ARHGAP24: variants seen among roughly 807,000 people sequenced by gnomAD.
ARHGAP24 encodes Rho GTPase activating protein 24, also known as rho GTPase-activating protein 24.
Under a neutral mutation model 76.4 loss-of-function variants are expected in ARHGAP24, and 50 were observed. That is an observed-to-expected ratio of 0.65 (90% CI 0.52 to 0.83). ARHGAP24 has a LOEUF of 0.83. ARHGAP24 is among the 40% of genes least tolerant of loss of function. ARHGAP24 has a pLI of 0.00. For synonymous variants in ARHGAP24, 345 were observed against 323.3 expected, an observed-to-expected ratio of 1.07 and a Z score of -0.72; for missense variants, 930 against 914.2, an observed-to-expected ratio of 1.02 and a Z score of -0.22.
chr4:85,640,584 C>A (rs1429114719), intron 2 of ARHGAP24, among the ~76,000 whole-genome samples: 1 of 152,180 alleles, frequency 6.6e-6, no homozygotes, highest in African/African-American at 2.4e-5. Flanking sequence ...AAACAAACAT[C>A]TTATTGAAAC....
intron 1 of ARHGAP24, among the ~76,000 whole-genome samples, chr4:85,552,773 C>T (rs900176673): frequency 9.9e-5 from 15 of 152,220 alleles, no homozygotes; most frequent in Admixed American, 9.2e-4. Flanking sequence ...TTATGTCAGT[C>T]CCTTCTTTGT....
At chr4:85,539,855 G>A (rs568524784) in intron 1 of ARHGAP24, among the ~76,000 whole-genome samples, 71 of 152,182 alleles carry the variant, frequency 4.7e-4, no homozygotes, top group African/African-American at 1.6e-3. Flanking sequence ...AGGAGTTTGC[G>A]ACCAGCCTGC....
chr4:85,520,573 CCTAA>C (rs1335491327), intron 1 of ARHGAP24, among the ~76,000 whole-genome samples: 2 of 152,210 alleles, frequency 1.3e-5, no homozygotes, highest in East Asian at 1.9e-4. Flanking sequence ...AAGGAAATTT[CCTAA>C]CTATCTCTCT....
In ARHGAP24 at chr4:85,517,861, G is replaced by A. The variant is rs116702936; in HGVS notation, c.-21+42302G>A. On this transcript the variant is annotated intron_variant, in intron 1 of 9. Transcript: ENST00000395184. ...TCAATATATAATTTTATGTGAATACGTAATATTTCTTTAAAACGTAAGAAG... is the reference window on the plus strand; with the variant it reads ...TCAATATATAATTTTATGTGAATACATAATATTTCTTTAAAACGTAAGAAG... Among the ~76,000 whole-genome samples, 1,228 of 152,080 alleles carry A rather than the reference G, an allele frequency of 8.1e-3. 16 individuals are homozygous for A. Among genetic ancestry groups the A allele is most frequent in the African/African-American group, 0.028 (1,163 of 41,494 alleles).
intron 1 of ARHGAP24, among the ~76,000 whole-genome samples, chr4:85,515,356 C>A (rs1159947679): frequency 7.1e-6 from 1 of 140,688 alleles, no homozygotes; most frequent in Non-Finnish European, 1.5e-5. Context: ...CCTATATCCA[C>A]TCTATGCAGG....
intron 1 of ARHGAP24, among the ~76,000 whole-genome samples, chr4:85,552,814 C>T (rs1271011009): frequency 6.6e-6 from 1 of 152,182 alleles, no homozygotes; most frequent in African/African-American, 2.4e-5. Flanking sequence ...GGTTTAAAGT[C>T]TGTTTTACTA....
intron 2 of ARHGAP24, among the ~76,000 whole-genome samples, chr4:85,621,944 T>C (rs950613542): frequency 2.0e-5 from 3 of 152,068 alleles, no homozygotes; most frequent in African/African-American, 7.2e-5. Context: ...TTTTTGTATA[T>C]GGTGAGAAAT....
At chr4:85,974,687 A>G (rs1360343611) in intron 6 of ARHGAP24, among the ~76,000 whole-genome samples, 2 of 152,244 alleles carry the variant, frequency 1.3e-5, no homozygotes, top group Non-Finnish European at 2.9e-5. Flanking sequence ...AATAGTACTT[A>G]TGGAGATATT....
chr4:85,705,228 C>G (rs931810252), intron 2 of ARHGAP24, among the ~76,000 whole-genome samples: 7 of 151,624 alleles, frequency 4.6e-5, no homozygotes, highest in Non-Finnish European at 1.0e-4. Context: ...GAGATTTTTA[C>G]CAAGTTTATA....
intron 2 of ARHGAP24, among the ~76,000 whole-genome samples, chr4:85,596,892 A>G (rs1719856058): frequency 6.6e-6 from 1 of 152,072 alleles, no homozygotes; most frequent in Non-Finnish European, 1.5e-5. Context: ...TTGTTTCATT[A>G]TTTAACTAGA....
intron 3 of ARHGAP24, among the ~76,000 whole-genome samples, chr4:85,841,647 A>AT (rs1368078772): frequency 6.6e-6 from 1 of 152,202 alleles, no homozygotes; most frequent in Non-Finnish European, 1.5e-5. Context: ...AAGGTGTCCA[A>AT]TATTCATAAA....
intron 2 of ARHGAP24, among the ~76,000 whole-genome samples, chr4:85,652,779 A>G (rs965644251): frequency 6.6e-6 from 1 of 152,098 alleles, no homozygotes; most frequent in Non-Finnish European, 1.5e-5. Context: ...GTGTGCTTCC[A>G]TGGCAGAGGC....
chr4:85,527,406 G>T (rs929782987), intron 1 of ARHGAP24, among the ~76,000 whole-genome samples: 2 of 151,984 alleles, frequency 1.3e-5, no homozygotes, highest in Non-Finnish European at 2.9e-5. Context: ...CAGAAGATAG[G>T]CATGCATATT....
intron 2 of ARHGAP24, among the ~76,000 whole-genome samples, chr4:85,696,840 A>G (rs1277701386): frequency 6.6e-6 from 1 of 152,200 alleles, no homozygotes; most frequent in Non-Finnish European, 1.5e-5. Context: ...AAAGGACACC[A>G]TGCAGAAATG....
At chr4:85,880,560 G>A (rs942573968) in intron 3 of ARHGAP24, among the ~76,000 whole-genome samples, 1 of 151,248 alleles carries the variant, frequency 6.6e-6, no homozygotes, top group Non-Finnish European at 1.5e-5. Flanking sequence ...ACGGAGTCTC[G>A]CTCTGTCGCC....
chr4:85,787,458 A>G (rs1285608761), intron 3 of ARHGAP24, among the ~76,000 whole-genome samples: 1 of 152,092 alleles, frequency 6.6e-6, no homozygotes, highest in African/African-American at 2.4e-5. Context: ...ACCTCCTTGC[A>G]TTTGGCTTTG....
Position 85,514,211 on chromosome 4 carries a change from A to G in ARHGAP24, c.-21+38652A>G, listed in dbSNP as rs190042884. On this transcript the variant is annotated intron_variant, in intron 1 of 9. Transcript: ENST00000395184. ...GAATTAGATCTGAAGAATATTCTAC[A>G]TACTGTCTCAGAGGATCCCCAGCAG... 1.5e-4 allele frequency among the ~76,000 whole-genome samples: 23 copies of G among 152,236 alleles called. No individual in the cohort carries two copies. In the East Asian group the frequency reaches 4.5e-3, roughly 29 times the overall value.
At chr4:85,588,501 A>C (rs1727956135) in intron 2 of ARHGAP24, among the ~76,000 whole-genome samples, 1 of 152,128 alleles carries the variant, frequency 6.6e-6, no homozygotes, top group Non-Finnish European at 1.5e-5. Flanking sequence ...GGTCGCTATT[A>C]GCTCGCCTGT....
intron 2 of ARHGAP24, among the ~76,000 whole-genome samples, chr4:85,654,397 G>A (rs1722057666): frequency 1.3e-5 from 2 of 152,144 alleles, no homozygotes; most frequent in African/African-American, 2.4e-5. Flanking sequence ...GGGAGTTAAG[G>A]TTTCAACATG....
Sources: allele counts gnomAD v4.1 joint callset (sites outside exome capture counted in the v4.1 genomes callset), GRCh38; gene constraint gnomAD v4.1.1; transcripts MANE v1.5; gene names NCBI Gene and HGNC (gene_info 2026-07-23, HGNC 2026-07-21).